Variants in EIF4G3 observed in about 807,000 individuals in gnomAD.
The protein encoded by EIF4G3 is eukaryotic translation initiation factor 4 gamma 3.
A neutral mutation model predicts 186.4 loss-of-function variants in EIF4G3; 34 were observed. That is an observed-to-expected ratio of 0.18 (90% CI 0.14 to 0.24). The LOEUF is 0.24. EIF4G3 is among the 10% of genes least tolerant of loss of function. EIF4G3 has a pLI of 1.00. For synonymous variants in EIF4G3, 673 were observed against 679.5 expected, an observed-to-expected ratio of 0.99 and a Z score of 0.15; for missense variants, 1,536 against 1,948.5, an observed-to-expected ratio of 0.79 and a Z score of 3.99.
chr1:21,161,053 C>A (rs1478214599), intron 2 of EIF4G3, among the ~76,000 whole-genome samples: 1 of 152,092 alleles, frequency 6.6e-6, no homozygotes, highest in Non-Finnish European at 1.5e-5. Context: ...CACCTATAAT[C>A]CCAGCTACTT....
intron 2 of EIF4G3, among the ~76,000 whole-genome samples, chr1:21,124,166 C>T (rs757254455): frequency 6.6e-6 from 1 of 152,006 alleles, no homozygotes; most frequent in Non-Finnish European, 1.5e-5. Context: ...TCGTGGGCGC[C>T]TGTAATCCGA....
intron 12 of EIF4G3, among the ~76,000 whole-genome samples, chr1:20,960,544 G>A (rs1007786180): frequency 7.9e-5 from 12 of 152,124 alleles, no homozygotes; most frequent in African/African-American, 2.9e-4. Context: ...TTGAATTCAG[G>A]AGTTTGAGAC....
intron 14 of EIF4G3, among the ~76,000 whole-genome samples, chr1:20,928,203 A>G (rs151052046): frequency 9.6e-4 from 146 of 152,292 alleles, no homozygotes; most frequent in African/African-American, 3.3e-3. Context: ...TATACACTAT[A>G]TAAGTAATTG....
chr1:21,048,399 A>G (rs1208192615), intron 4 of EIF4G3, among the ~76,000 whole-genome samples: 2 of 152,136 alleles, frequency 1.3e-5, no homozygotes, highest in Non-Finnish European at 2.9e-5. Flanking sequence ...CTGACACAAC[A>G]TTAAGTTTTG....
chr1:21,029,466 G>T (rs755053098), intron 4 of EIF4G3, among the ~76,000 whole-genome samples: 10 of 146,812 alleles, frequency 6.8e-5, no homozygotes, highest in African/African-American at 2.6e-4. Context: ...AAATTGAGTC[G>T]GGGGGGGGAA....
intron 8 of EIF4G3, among the ~76,000 whole-genome samples, chr1:20,981,662 TAC>T (rs2078213438): frequency 7.6e-6 from 1 of 132,114 alleles, no homozygotes; most frequent in South Asian, 2.7e-4. Context: ...CATACATGTA[TAC>T]GCACATACTG....
intron 2 of EIF4G3, among the ~76,000 whole-genome samples, chr1:21,164,968 A>G (rs1337381108): frequency 6.6e-6 from 1 of 152,054 alleles, no homozygotes; most frequent in African/African-American, 2.4e-5. Context: ...CTCAACAATA[A>G]AAAGACATAT....
intron 20 of EIF4G3, among the ~76,000 whole-genome samples, chr1:20,872,849 G>A (rs2154553244): frequency 6.7e-6 from 1 of 150,110 alleles, no homozygotes; most frequent in East Asian, 2.0e-4. Flanking sequence ...CAATTCTCCT[G>A]CCTCAGCCTC....
chr1:20,860,337 T>C, intron 24 of EIF4G3, 48 bp downstream of exon 24: 1 of 1,610,002 alleles, frequency 6.2e-7, no homozygotes, highest in South Asian at 1.1e-5. Flanking sequence ...TTAATATGTA[T>C]TCCTGAAACT....
chr1:21,052,680 G>T (rs897674416), intron 3 of EIF4G3, among the ~76,000 whole-genome samples: 1 of 151,960 alleles, frequency 6.6e-6, no homozygotes, highest in Non-Finnish European at 1.5e-5. Flanking sequence ...CAACCTCCCT[G>T]CCTGATTCTC....
At chr1:20,814,854 T>G (rs2060142124) in intron 34 of EIF4G3, among the ~76,000 whole-genome samples, 1 of 113,982 alleles carries the variant, frequency 8.8e-6, no homozygotes, top group South Asian at 4.1e-4. Flanking sequence ...ACGGTACTGC[T>G]GCCATCTCGG....
intron 2 of EIF4G3, among the ~76,000 whole-genome samples, chr1:21,166,723 A>G (rs1427337676): frequency 6.6e-6 from 1 of 152,112 alleles, no homozygotes; most frequent in Non-Finnish European, 1.5e-5. Flanking sequence ...ACAGAGCAAG[A>G]CTGTCTCAAA....
At position 20,942,055 on chromosome 1, in the gene EIF4G3, T is replaced by C. The variant is rs1352825098; in HGVS notation, c.1099A>G (p.Ile367Val). Reference protein sequence around the residue: ...CELSSPREDTIPIPSLTSCTE... With the variant: ...CELSSPREDTVPIPSLTSCTE... ...CAAGATGTGAGGCTGGGTATAGGAA[T>C]TGTGTCTTCTCTTGGGGATGAGAGT... The change falls in exon 14 of 37, where the codon ATT (isoleucine) becomes GTT (valine). Residue 367 changes from isoleucine to valine, a missense_variant. This residue lies in a region of EIF4G3 where 560 missense variants were observed against 547.8 expected (regional missense o/e 1.02). Coordinates refer to ENST00000602326, the MANE Select transcript of EIF4G3 (RefSeq NM_001391906.1). 8.7e-6 allele frequency: 14 copies of C among 1,614,080 alleles called. No homozygotes were observed. The highest frequency in any genetic ancestry group is 2.7e-5 in the African/African-American group (2 of 74,930).
intron 2 of EIF4G3, among the ~76,000 whole-genome samples, chr1:21,122,705 G>C (rs1028818007): frequency 6.6e-6 from 1 of 151,974 alleles, no homozygotes; most frequent in Non-Finnish European, 1.5e-5. Context: ...CAATAATATC[G>C]AGCACTTTCA....
At chr1:21,018,116 A>G (rs1235609922) in intron 4 of EIF4G3, among the ~76,000 whole-genome samples, 2 of 151,972 alleles carry the variant, frequency 1.3e-5, no homozygotes, top group Non-Finnish European at 2.9e-5. Context: ...TAAAAAAAAA[A>G]AAAATCTTTT....
intron 7 of EIF4G3, among the ~76,000 whole-genome samples, chr1:20,994,225 A>C (rs2081759955): frequency 1.3e-5 from 2 of 152,212 alleles, no homozygotes; most frequent in Admixed American, 6.5e-5. Flanking sequence ...ATAGTGAAAC[A>C]AACCAAATTG....
At chr1:21,090,365 G>A (rs2096147286) in intron 2 of EIF4G3, among the ~76,000 whole-genome samples, 1 of 152,024 alleles carries the variant, frequency 6.6e-6, no homozygotes, top group Non-Finnish European at 1.5e-5. Context: ...ATGCCAACTA[G>A]GCAAATACAC....
At chr1:20,939,162 T>C (rs2095621503) in intron 14 of EIF4G3, among the ~76,000 whole-genome samples, 1 of 149,480 alleles carries the variant, frequency 6.7e-6, no homozygotes, top group African/African-American at 2.5e-5. Context: ...TTCTTGAAGT[T>C]CATTTACTGT....
intron 2 of EIF4G3, among the ~76,000 whole-genome samples, chr1:21,096,311 A>T (rs2096368762): frequency 6.6e-6 from 1 of 152,210 alleles, no homozygotes; most frequent in Admixed American, 6.5e-5. Context: ...ACATGTTCTC[A>T]CTTACTGTTG....
Sources: gnomAD v4.1 joint callset for allele counts (sites outside exome capture counted in the v4.1 genomes callset) on GRCh38, gnomAD v4.1.1 for gene constraint, gnomAD v4.1.1 regional missense constraint, MANE v1.5 for transcripts, NCBI Gene and HGNC (gene_info 2026-07-23, HGNC 2026-07-21) for gene names.